Variants in DDX42 observed in about 807,000 individuals in gnomAD.
The protein encoded by DDX42 is DEAD-box helicase 42.
A neutral mutation model predicts 101.5 loss-of-function variants in DDX42; 22 were observed. The observed-to-expected ratio is 0.22, with a 90% confidence interval of 0.15 to 0.31. The LOEUF is 0.31. DDX42 is among the 10% of genes least tolerant of loss of function. The pLI, the probability that DDX42 is intolerant of heterozygous loss-of-function variation, is 1.00. For missense variants in DDX42, 849 were observed against 1,199.9 expected (o/e 0.71, Z 4.32); for synonymous variants, 402 against 401.2 (o/e 1.00, Z -0.02).
intron 3 of DDX42, among the ~76,000 whole-genome samples, chr17:63,794,430 T>C (rs1433543095): frequency 6.6e-6 from 1 of 151,912 alleles, no homozygotes; most frequent in Non-Finnish European, 1.5e-5. Flanking sequence ...TAGTTCCAGC[T>C]ACTTGAGAGG....
At chr17:63,806,313 A>G (rs2039839481) in intron 7 of DDX42, 1 of 356,222 alleles carries the variant, frequency 2.8e-6, no homozygotes, top group East Asian at 4.7e-5. Flanking sequence ...TTAAAATTGT[A>G]TGACAATTAT....
chr17:63,815,280 G>A (rs938866815), intron 15 of DDX42, among the ~76,000 whole-genome samples: 1 of 152,204 alleles, frequency 6.6e-6, no homozygotes, highest in Non-Finnish European at 1.5e-5. Flanking sequence ...ACTCCTCTGG[G>A]TTTGAAGCTT....
chr17:63,802,677 G>A (rs750030322), intron 6 of DDX42, among the ~76,000 whole-genome samples: 4 of 152,030 alleles, frequency 2.6e-5, no homozygotes, highest in Admixed American at 2.0e-4. Context: ...TTGGGAGGCC[G>A]AGGCGGGTGG....
intron 2 of DDX42, among the ~76,000 whole-genome samples, chr17:63,791,659 T>C (rs1444635996): frequency 6.6e-6 from 1 of 152,160 alleles, no homozygotes; most frequent in African/African-American, 2.4e-5. Context: ...CCCCAGAAAA[T>C]AGCCCAGAAT....
intron 2 of DDX42, among the ~76,000 whole-genome samples, chr17:63,788,240 A>G (rs531045671): frequency 1.3e-5 from 2 of 150,328 alleles, no homozygotes; most frequent in South Asian, 4.2e-4. Flanking sequence ...CTGACACCAT[A>G]TAAATTGTTT....
chr17:63,792,588 AT>A (rs1567734532), intron 3 of DDX42, 26 bp downstream of exon 3: 1 of 1,596,546 alleles, frequency 6.3e-7, no homozygotes, highest in Non-Finnish European at 8.5e-7. Flanking sequence ...TTTCATTAAA[AT>A]ATTTAGCAGT....
intron 17 of DDX42, chr17:63,817,296 AT>A: frequency 3.0e-6 from 1 of 336,400 alleles, no homozygotes; most frequent in Non-Finnish European, 5.5e-6. Flanking sequence ...CTGAAGCAAA[AT>A]TTACTGATAG....
rs1004208317 is a variant in DDX42, at chr17:63,802,519, A to G, written c.621+1902A>G. ...GCAATGGCTCACGCCTGTAATTTCA[A>G]CACTTTGGGAGGCTGAGGCGGGTAG... On this transcript the variant is annotated intron_variant, in intron 6 of 17. Coordinates refer to ENST00000389924, the MANE Select transcript of DDX42 (RefSeq NM_203499.3). 5.3e-5 allele frequency among the ~76,000 whole-genome samples: 8 copies of G among 152,332 alleles called. No individual in the cohort carries two copies. The East Asian group carries it at 1.3e-3, about 26-fold the overall frequency.
At chr17:63,794,664 A>AGT (rs2039670808) in intron 3 of DDX42, among the ~76,000 whole-genome samples, 3 of 151,762 alleles carry the variant, frequency 2.0e-5, no homozygotes, top group Non-Finnish European at 4.4e-5. Flanking sequence ...GGCCGGGCAC[A>AGT]GTGGCTCACG....
intron 6 of DDX42, among the ~76,000 whole-genome samples, chr17:63,802,714 C>T (rs1357699614): frequency 6.6e-6 from 1 of 151,932 alleles, no homozygotes; most frequent in Admixed American, 6.6e-5. Context: ...AGTTTGAGAC[C>T]AGCCTGACCA....
chr17:63,807,676 T>A, intron 8 of DDX42, 48 bp from the exon 9 acceptor site: 1 of 1,553,906 alleles, frequency 6.4e-7, no homozygotes, highest in Non-Finnish European at 8.7e-7. Flanking sequence ...CTTCAGTACA[T>A]CTTTAGAATT....
At chr17:63,779,944 C>G (rs750998978) in intron 1 of DDX42, among the ~76,000 whole-genome samples, 2 of 152,176 alleles carry the variant, frequency 1.3e-5, no homozygotes, top group African/African-American at 2.4e-5. Flanking sequence ...GTCAGCTATA[C>G]TCCCACAAAT....
chr17:63,803,230 A>G (rs1301757146), intron 6 of DDX42, among the ~76,000 whole-genome samples: 1 of 152,250 alleles, frequency 6.6e-6, no homozygotes, highest in Non-Finnish European at 1.5e-5. Context: ...ATATGGTTTC[A>G]GATTACACAA....
rs566553563 is a variant in DDX42 at position 63,803,686 on chromosome 17, G to A, written c.622-1385G>A. 2.0e-4 allele frequency among the ~76,000 whole-genome samples: 30 copies of A among 147,144 alleles called. 1 individual carries two copies. The highest frequency in any genetic ancestry group is 7.0e-4 in the African/African-American group (28 of 39,836). Reference sequence around the variant, plus strand: ...TTTTGAGATGGAGTCCTGCTCTGTCGCCCAGGCTGGAGTGCAGTGACGCAA... The same window carrying A: ...TTTTGAGATGGAGTCCTGCTCTGTCACCCAGGCTGGAGTGCAGTGACGCAA... On this transcript the variant is annotated intron_variant, in intron 6 of 17. Coordinates refer to ENST00000389924, the MANE Select transcript of DDX42 (RefSeq NM_203499.3).
intron 5 of DDX42, among the ~76,000 whole-genome samples, 172 bp downstream of exon 5, chr17:63,799,797 A>G (rs2039740154): frequency 6.6e-6 from 1 of 152,228 alleles, no homozygotes; most frequent in Non-Finnish European, 1.5e-5. Context: ...ATAGATTCAC[A>G]TGGCTTTCCC....
chr17:63,808,216 T>C (rs750181680), intron 9 of DDX42, among the ~76,000 whole-genome samples: 2 of 152,232 alleles, frequency 1.3e-5, no homozygotes, highest in Non-Finnish European at 2.9e-5. Flanking sequence ...CTCACTCTTT[T>C]GCCCAGGCTG....
chr17:63,811,656 T>G (rs191351629), intron 13 of DDX42: 3 of 541,528 alleles, frequency 5.5e-6, no homozygotes, highest in Admixed American at 3.1e-5. Flanking sequence ...CAGTTATGGC[T>G]GCTTAGAGAA....
At chr17:63,798,920 C>CT (rs2039726924) in intron 4 of DDX42, among the ~76,000 whole-genome samples, 1 of 152,106 alleles carries the variant, frequency 6.6e-6, no homozygotes, top group Admixed American at 6.5e-5. Flanking sequence ...TGCCGGTTGC[C>CT]TTAGGAATAG....
In DDX42 at chr17:63,819,272, T is replaced by C. The variant is rs894039080; in HGVS notation, c.*874T>C. ...ACTTTGTGAAGGTTTCTTTAAGATGTGCATTCCTTTCTGCTTGCTCTCTAG... is the reference window on the plus strand; with the variant it reads ...ACTTTGTGAAGGTTTCTTTAAGATGCGCATTCCTTTCTGCTTGCTCTCTAG... On this transcript the variant is annotated 3_prime_UTR_variant, in exon 18 of 18. Transcript: ENST00000389924. 1 of 152,786 alleles carries C rather than the reference T, an allele frequency of 6.5e-6. No individual in the cohort carries two copies. The highest frequency in any genetic ancestry group is 1.5e-5 in the Non-Finnish European group (1 of 68,162). 9.5% of individuals were successfully genotyped at this position (152,786 alleles called of 1,614,324 possible).
Sources: gnomAD v4.1 joint callset for allele counts (sites outside exome capture counted in the v4.1 genomes callset) on GRCh38, gnomAD v4.1.1 for gene constraint, MANE v1.5 for transcripts, NCBI Gene and HGNC (gene_info 2026-07-23, HGNC 2026-07-21) for gene names.